Variants in NWD1 observed in about 807,000 individuals in gnomAD.
NWD1 encodes the protein NACHT and WD repeat domain containing 1.
A neutral mutation model predicts 135.1 loss-of-function variants in NWD1; 129 were observed. The ratio of observed to expected loss-of-function variants is 0.96; its 90% CI spans 0.83 to 1.11. The LOEUF (loss-of-function observed/expected upper bound fraction) is 1.11, where lower values mean the gene tolerates loss of function less well. NWD1 is among the 50% of genes least tolerant of loss of function. NWD1 has a pLI of 0.00. For missense variants in NWD1, 1,740 were observed against 1,851.3 expected (o/e 0.94, Z 1.10); for synonymous variants, 773 against 786.0 (o/e 0.98, Z 0.28).
At chr19:16,728,699 C>G (rs1237516629) in intron 2 of NWD1, among the ~76,000 whole-genome samples, 2 of 151,768 alleles carry the variant, frequency 1.3e-5, no homozygotes, top group Non-Finnish European at 2.9e-5. Flanking sequence ...AATCCCAGCA[C>G]TTTGGGAGGC....
At chr19:16,749,026 A>T in intron 5 of NWD1, 113 bp from the exon 6 acceptor site, 1 of 782,270 alleles carries the variant, frequency 1.3e-6, no homozygotes. Flanking sequence ...GTGCACGTTA[A>T]TCTTGAGAAC....
intron 4 of NWD1, among the ~76,000 whole-genome samples, chr19:16,743,595 CT>C (rs1375698670): frequency 6.6e-6 from 1 of 152,120 alleles, no homozygotes; most frequent in African/African-American, 2.4e-5. Context: ...TCTCAGAGTG[CT>C]GGTTGGATTG....
At chr19:16,791,120 G>GCA (rs1468398147) in intron 13 of NWD1, among the ~76,000 whole-genome samples, 1 of 152,126 alleles carries the variant, frequency 6.6e-6, no homozygotes, top group East Asian at 1.9e-4. Context: ...TGTGGTCCCA[G>GCA]CTTCTTGGGA....
intron 4 of NWD1, among the ~76,000 whole-genome samples, chr19:16,737,964 C>CAAAGAAAAGAAAA (rs147713373): frequency 8.0e-6 from 1 of 124,540 alleles, no homozygotes; most frequent in African/African-American, 3.3e-5. Flanking sequence ...GACTCTATCT[C>CAAAGAAAAGAAAA]GAAAAGAAAA....
At chr19:16,776,720 G>A (rs577182851) in intron 11 of NWD1, among the ~76,000 whole-genome samples, 1 of 141,650 alleles carries the variant, frequency 7.1e-6, no homozygotes, top group Non-Finnish European at 1.5e-5. Flanking sequence ...CTTGGGCCGA[G>A]ATGTTCAAGA....
At chr19:16,767,251 C>T (rs1969256803) in intron 10 of NWD1, among the ~76,000 whole-genome samples, 2 of 141,540 alleles carry the variant, frequency 1.4e-5, no homozygotes, top group Admixed American at 1.5e-4. Context: ...GCGATCTCGG[C>T]TCACTGCAAG....
At chr19:16,761,550 A>G (rs1969013257) in intron 7 of NWD1, among the ~76,000 whole-genome samples, 1 of 151,612 alleles carries the variant, frequency 6.6e-6, no homozygotes, top group South Asian at 2.1e-4. Context: ...TTTAGTACAG[A>G]CAGGGTTTCA....
intron 17 of NWD1, among the ~76,000 whole-genome samples, chr19:16,802,126 A>T (rs1970619188): frequency 6.6e-6 from 1 of 151,802 alleles, no homozygotes; most frequent in Non-Finnish European, 1.5e-5. Context: ...TCTACTAAAA[A>T]TACAAAAATT....
chr19:16,723,211 G>C (rs1967202793), intron 1 of NWD1, among the ~76,000 whole-genome samples: 1 of 151,954 alleles, frequency 6.6e-6, no homozygotes, highest in South Asian at 2.1e-4. Flanking sequence ...TTTTTTTGCT[G>C]TTGTTGAGAT....
At chr19:16,809,537 T>C (rs1175974009) in intron 18 of NWD1, among the ~76,000 whole-genome samples, 1 of 145,490 alleles carries the variant, frequency 6.9e-6, no homozygotes, top group Non-Finnish European at 1.5e-5. Context: ...TGCTATTTCT[T>C]TTTTTTTTTC....
intron 8 of NWD1, among the ~76,000 whole-genome samples, chr19:16,762,718 G>A (rs765568205): frequency 7.2e-5 from 11 of 152,140 alleles, no homozygotes; most frequent in Admixed American, 1.3e-4. Context: ...CTGGACTGGG[G>A]AGGCTGGAGG....
chr19:16,773,626 T>TA (rs1969493246), intron 11 of NWD1, among the ~76,000 whole-genome samples: 2 of 152,140 alleles, frequency 1.3e-5, no homozygotes, highest in African/African-American at 4.8e-5. Flanking sequence ...AAGCTCATGC[T>TA]AGTAATTCTG....
At chr19:16,730,980 A>T (rs1461156790) in intron 2 of NWD1, among the ~76,000 whole-genome samples, 4 of 145,040 alleles carry the variant, frequency 2.8e-5, no homozygotes, top group African/African-American at 1.0e-4. Context: ...GCAGTGGCTC[A>T]CGCCTGTAAT....
At chr19:16,752,812 CA>C (rs1190533246) in intron 6 of NWD1, among the ~76,000 whole-genome samples, 2 of 151,988 alleles carry the variant, frequency 1.3e-5, no homozygotes, top group African/African-American at 4.8e-5. Context: ...GCCTGGGCAA[CA>C]AAGTGAGAGC....
rs1328984720 is a variant in NWD1, at chr19:16,719,929, G to A, written c.-469G>A. 5 of 152,146 alleles carry A rather than the reference G, an allele frequency of 3.3e-5. No individual in the cohort carries two copies. The highest frequency in any genetic ancestry group is 7.3e-5 in the Non-Finnish European group (5 of 68,058). 9.4% of individuals were successfully genotyped at this position (152,146 alleles called of 1,614,324 possible). The stretch of plus-strand genomic sequence containing the variant: ...TAGGATAGCCAGGGGCTTGTCTTCC[G>A]GGTGGCGCCGAGGCCAGGAAACTGT... On this transcript the variant is annotated 5_prime_UTR_variant, in exon 1 of 19. Coordinates refer to ENST00000524140, the MANE Select transcript of NWD1 (RefSeq NM_001007525.5).
rs1967077669 is a variant in NWD1, at chr19:16,719,882, A to C, written c.-516A>C. 6.6e-6 allele frequency: 1 copy of C among 152,138 alleles called. No homozygotes were observed. Among genetic ancestry groups the C allele is most frequent in the African/African-American group, 2.4e-5 (1 of 41,446 alleles). 9.4% of individuals were successfully genotyped at this position (152,138 alleles called of 1,614,324 possible). A position where few individuals can be genotyped will look rare whatever the true frequency, so the allele number is the denominator to read the frequency against. ...AGAATTGGGCAAGGAGAGACCCATAAAATACCTAAGACGAAAGTTACTAGG... is the reference window on the plus strand; with the variant it reads ...AGAATTGGGCAAGGAGAGACCCATACAATACCTAAGACGAAAGTTACTAGG... On this transcript the variant is annotated 5_prime_UTR_variant, in exon 1 of 19. Coordinates refer to ENST00000524140, the MANE Select transcript of NWD1 (RefSeq NM_001007525.5).
intron 5 of NWD1, among the ~76,000 whole-genome samples, chr19:16,746,724 G>C (rs888864603): frequency 6.6e-6 from 1 of 151,754 alleles, no homozygotes; most frequent in Admixed American, 6.6e-5. Flanking sequence ...CACATATTTT[G>C]CATGTTCTAT....
chr19:16,775,738 G>A (rs944606041), intron 11 of NWD1, among the ~76,000 whole-genome samples: 11 of 151,940 alleles, frequency 7.2e-5, no homozygotes, highest in Non-Finnish European at 2.9e-5. Context: ...GCGCAATCTC[G>A]GCTCACTGCA....
rs1237527625 is a variant in NWD1 at position 16,750,146 on chromosome 19, C to A, written c.1504C>A (p.Gln502Lys). 1 of 1,613,934 alleles carries A rather than the reference C, an allele frequency of 6.2e-7. No homozygotes were observed. Among genetic ancestry groups the A allele is most frequent in the Non-Finnish European group, 8.5e-7 (1 of 1,180,000 alleles). Residue 502 changes from glutamine to lysine, a missense_variant, in exon 6 of 19, where the codon CAG becomes AAG. Gln to Lys is a moderately conservative substitution (Grantham distance 53). Transcript: ENST00000524140. ...GCCCCTTTCCGGAAACCAAGGCCAG[C>A]AGATGATCCAACTCCTGCTGGCAGC... Reference protein sequence around the residue: ...VKPLSGNQGQQMIQLLLAAAR... With the variant: ...VKPLSGNQGQKMIQLLLAAAR...
Sources: allele counts gnomAD v4.1 joint callset (sites outside exome capture counted in the v4.1 genomes callset), GRCh38; gene constraint gnomAD v4.1.1; transcripts MANE v1.5; gene names NCBI Gene and HGNC (gene_info 2026-07-23, HGNC 2026-07-21).